GNAQ: variants seen among roughly 807,000 people sequenced by gnomAD.
GNAQ encodes the protein G protein subunit alpha q.
A neutral mutation model predicts 43.9 loss-of-function variants in GNAQ; 8 were observed. The observed-to-expected ratio is 0.18, with a 90% CI of 0.11 to 0.33. The LOEUF (loss-of-function observed/expected upper bound fraction) is 0.33. Among genes scored for constraint, GNAQ ranks in the 10% least tolerant of loss-of-function variants. GNAQ has a pLI of 1.00. For missense variants in GNAQ, 158 were observed against 450.8 expected (o/e 0.35, Z 5.88); for synonymous variants, 155 against 170.7 (o/e 0.91, Z 0.71).
chr9:77,723,207 C>T (rs771500864), intron 6 of GNAQ, among the ~76,000 whole-genome samples: 1 of 152,204 alleles, frequency 6.6e-6, no homozygotes, highest in Non-Finnish European at 1.5e-5. Flanking sequence ...CAGTGACAGA[C>T]CTCTCCACAT....
chr9:78,021,744 T>C (rs1295736041), intron 1 of GNAQ, among the ~76,000 whole-genome samples: 3 of 152,224 alleles, frequency 2.0e-5, no homozygotes, highest in Admixed American at 1.3e-4. Flanking sequence ...GAAAGCAATG[T>C]TGTGTTTGGC....
intron 5 of GNAQ, 115 bp from the exon 6 acceptor site, chr9:77,728,782 T>C (rs750966641): frequency 8.6e-6 from 6 of 697,056 alleles, no homozygotes; most frequent in Non-Finnish European, 1.5e-5. Context: ...CCAGTTTTTG[T>C]AGCCCTGTGT....
intron 5 of GNAQ, among the ~76,000 whole-genome samples, chr9:77,786,576 C>A (rs1407278742): frequency 6.6e-6 from 1 of 152,070 alleles, no homozygotes; most frequent in Non-Finnish European, 1.5e-5. Context: ...AGTGAAGCAT[C>A]TTTGCATTGC....
chr9:77,996,428 C>T (rs1823567690), intron 1 of GNAQ, among the ~76,000 whole-genome samples: 1 of 151,878 alleles, frequency 6.6e-6, no homozygotes, highest in South Asian at 2.1e-4. Context: ...GCCTGTAATC[C>T]CAGCACTTTG....
At chr9:78,008,619 CATTTTATTTT>C (rs1313513141) in intron 1 of GNAQ, among the ~76,000 whole-genome samples, 1 of 102,968 alleles carries the variant, frequency 9.7e-6, no homozygotes, top group African/African-American at 4.6e-5. Context: ...CATTTCATTT[CATTTTATTTT>C]ATTTTTTGAG....
intron 1 of GNAQ, among the ~76,000 whole-genome samples, chr9:77,969,091 C>T (rs1823204897): frequency 6.6e-6 from 1 of 152,216 alleles, no homozygotes; most frequent in Non-Finnish European, 1.5e-5. Flanking sequence ...TTGAGGTTTG[C>T]CGTTGGTCTG....
At chr9:77,742,964 A>G (rs930570767) in intron 5 of GNAQ, among the ~76,000 whole-genome samples, 2 of 152,356 alleles carry the variant, frequency 1.3e-5, no homozygotes, top group Admixed American at 6.5e-5. Flanking sequence ...GTGCTACTAG[A>G]AAGATCAGCA....
chr9:77,944,366 T>G (rs1829357596), intron 1 of GNAQ, among the ~76,000 whole-genome samples: 1 of 151,504 alleles, frequency 6.6e-6, no homozygotes, highest in East Asian at 1.9e-4. Flanking sequence ...TTTATGAAGC[T>G]GTGTATACAA....
chr9:77,994,346 AT>A (rs1823543464), intron 1 of GNAQ, among the ~76,000 whole-genome samples: 1 of 152,174 alleles, frequency 6.6e-6, no homozygotes, highest in Non-Finnish European at 1.5e-5. Context: ...AGCCACGTGT[AT>A]TTTAAACAAA....
chr9:77,813,757 C>T (rs866930442), intron 3 of GNAQ, among the ~76,000 whole-genome samples: 6 of 151,890 alleles, frequency 4.0e-5, no homozygotes, highest in Non-Finnish European at 7.4e-5. Context: ...CAGGACTCTC[C>T]GTAGGGAGAA....
At chr9:78,014,925 A>G (rs1823819505) in intron 1 of GNAQ, among the ~76,000 whole-genome samples, 1 of 152,190 alleles carries the variant, frequency 6.6e-6, no homozygotes, top group African/African-American at 2.4e-5. Context: ...GCCTACTGAC[A>G]TCGTAGTTAT....
At chr9:77,932,229 A>G (rs1829162515) in intron 1 of GNAQ, among the ~76,000 whole-genome samples, 1 of 152,196 alleles carries the variant, frequency 6.6e-6, no homozygotes, top group Non-Finnish European at 1.5e-5. Flanking sequence ...TTCAGTATTT[A>G]AATTCATAGT....
chr9:77,858,647 G>A (rs1313577165), intron 2 of GNAQ, among the ~76,000 whole-genome samples: 1 of 151,484 alleles, frequency 6.6e-6, no homozygotes, highest in African/African-American at 2.4e-5. Flanking sequence ...ATGCTGCCTA[G>A]TTCTCCACCA....
chr9:78,014,995 C>T (rs535040356), intron 1 of GNAQ, among the ~76,000 whole-genome samples: 3 of 152,182 alleles, frequency 2.0e-5, no homozygotes, highest in African/African-American at 7.2e-5. Context: ...ACCTACCAAG[C>T]TGCCAGTTGT....
intron 1 of GNAQ, among the ~76,000 whole-genome samples, chr9:77,951,835 A>T (rs1822981998): frequency 6.6e-6 from 1 of 152,216 alleles, no homozygotes; most frequent in South Asian, 2.1e-4. Flanking sequence ...TCACATTTCA[A>T]ATTTTCCTAA....
At chr9:77,818,594 CAATT>C (rs1277290048) in intron 2 of GNAQ, among the ~76,000 whole-genome samples, 5 of 151,870 alleles carry the variant, frequency 3.3e-5, no homozygotes, top group Non-Finnish European at 5.9e-5. Context: ...CTAAATTAAA[CAATT>C]ATTAATGAAA....
intron 2 of GNAQ, among the ~76,000 whole-genome samples, chr9:77,883,770 C>T (rs1828256532): frequency 6.6e-6 from 1 of 152,098 alleles, no homozygotes; most frequent in African/African-American, 2.4e-5. Flanking sequence ...GGAAAATGTG[C>T]TCTGTCCCAT....
rs1469446558 is a variant in GNAQ at position 77,766,282 on chromosome 9, A to G, written c.735+28181T>C. On this transcript the variant is annotated intron_variant, in intron 5 of 6. Transcript: ENST00000286548. ...AGTGTAAAATGAAGTCTGTTTTTAGAAAAAGCTCTTTGTTTCATCAACATT... is the reference window on the plus strand; with the variant it reads ...AGTGTAAAATGAAGTCTGTTTTTAGGAAAAGCTCTTTGTTTCATCAACATT... 2.0e-5 allele frequency among the ~76,000 whole-genome samples: 3 copies of G among 152,328 alleles called. No individual in the cohort carries two copies. In the East Asian group the frequency reaches 5.8e-4, roughly 29 times the overall value.
chr9:78,015,028 T>C (rs948880734), intron 1 of GNAQ, among the ~76,000 whole-genome samples: 49 of 152,216 alleles, frequency 3.2e-4, no homozygotes, highest in African/African-American at 1.0e-3. Context: ...AGTCATGTCC[T>C]AGACCCTCAC....
Sources: allele counts gnomAD v4.1 joint callset (sites outside exome capture counted in the v4.1 genomes callset), GRCh38; gene constraint gnomAD v4.1.1; transcripts MANE v1.5; gene names NCBI Gene and HGNC (gene_info 2026-07-23, HGNC 2026-07-21).